The following PLAC1 variants were observed in gnomAD, a reference collection of about 807,000 sequenced individuals.
The protein encoded by PLAC1 is placenta-specific protein 1.
For synonymous variants in PLAC1, 68 were observed against 62.1 expected (o/e 1.09, Z -0.44); for missense variants, 136 against 163.2 (o/e 0.83, Z 0.91).
intron 2 of PLAC1, among the ~76,000 whole-genome samples, chrX:134,569,361 T>C (rs143006012): frequency 0.011 from 1,255 of 111,723 alleles, 16 homozygotes; most frequent in African/African-American, 0.037. Context: ...AATAATGTCA[T>C]TGAGTTTAGG....
chrX:134,756,717 C>T lies in PLAC1; in HGVS notation n.89+7517G>A, dbSNP rs943202492. Among the ~76,000 whole-genome samples the T allele has an allele frequency of 5.5e-5, 6 of 109,334 alleles. No individual in the cohort carries two copies. The South Asian group carries it at 1.2e-3, about 22-fold the overall frequency. 94.9% of individuals were successfully genotyped at this position (109,334 alleles called of 115,157 possible). A position where few individuals can be genotyped will look rare whatever the true frequency, so the allele number is the denominator to read the frequency against. ...ACAAAAAATTGGCCAGGCGTGGTGG[C>T]GGGTGCCTGTAGTCCCAGCTACTCA... On this transcript the variant is annotated intron_variant and non_coding_transcript_variant, in intron 1 of 2. Transcript: ENST00000466797.
chrX:134,651,202 C>A (rs991624297), intron 1 of PLAC1: 20 of 229,067 alleles, frequency 8.7e-5, no homozygotes, highest in African/African-American at 5.2e-4. Flanking sequence ...CTGATAGCTG[C>A]GTACCATGCG....
At chrX:134,611,506 T>C (rs375644895) in intron 1 of PLAC1, among the ~76,000 whole-genome samples, 3 of 50,059 alleles carry the variant, frequency 6.0e-5, no homozygotes, top group East Asian at 1.8e-3. Flanking sequence ...GATATATATA[T>C]ACACACACAC....
upstream of PLAC1, among the ~76,000 whole-genome samples, chrX:134,659,518 C>T (rs766695730): frequency 9.0e-6 from 1 of 110,898 alleles, no homozygotes; most frequent in African/African-American, 3.3e-5. Context: ...GTGGTAAGTG[C>T]TGGCCCATAA....
chrX:134,637,494 G>T (rs1048641802), intron 1 of PLAC1, among the ~76,000 whole-genome samples: 1 of 111,866 alleles, frequency 8.9e-6, no homozygotes, highest in Non-Finnish European at 1.9e-5. Flanking sequence ...TTGCCCATCA[G>T]CTTACTCAAG....
intron 1 of PLAC1, among the ~76,000 whole-genome samples, chrX:134,623,997 G>T: frequency 8.9e-6 from 1 of 111,942 alleles, no homozygotes; most frequent in African/African-American, 3.3e-5. Context: ...TCAGAGTTTG[G>T]GGAGAACTTG....
At chrX:134,611,564 T>C (rs2078153590) in intron 1 of PLAC1, among the ~76,000 whole-genome samples, 1 of 107,788 alleles carries the variant, frequency 9.3e-6, no homozygotes, top group Admixed American at 1.0e-4. Flanking sequence ...TGTATATATA[T>C]GCATATATAC....
chrX:134,724,956 C>G (rs1014531678), intron 2 of PLAC1, among the ~76,000 whole-genome samples: 3 of 109,502 alleles, frequency 2.7e-5, no homozygotes, highest in African/African-American at 1.0e-4. Context: ...GAGCTGTGAT[C>G]GTGCCACTGC....
At chrX:134,632,123 G>A (rs2078265271) in intron 1 of PLAC1, among the ~76,000 whole-genome samples, 1 of 111,734 alleles carries the variant, frequency 8.9e-6, no homozygotes, top group Admixed American at 9.4e-5. Context: ...ACAGCCAAAC[G>A]GTGGTTCATC....
chrX:134,629,145 G>A (rs2078249092), intron 1 of PLAC1, among the ~76,000 whole-genome samples: 2 of 111,677 alleles, frequency 1.8e-5, no homozygotes, highest in Admixed American at 9.5e-5. Context: ...GCTGAGCTCC[G>A]GTTAGATGTG....
intron 1 of PLAC1, among the ~76,000 whole-genome samples, chrX:134,746,648 T>C (rs761629680): frequency 1.8e-5 from 2 of 111,871 alleles, no homozygotes; most frequent in East Asian, 5.6e-4. Context: ...TTATAGATGA[T>C]ATATCACAGT....
At chrX:134,744,636 T>C (rs968575039) in intron 1 of PLAC1, among the ~76,000 whole-genome samples, 3 of 112,367 alleles carry the variant, frequency 2.7e-5, no homozygotes, top group African/African-American at 9.7e-5. Context: ...GTCCTGATTG[T>C]CACTAAAGGC....
At chrX:134,654,802 CT>C (rs935582172) in intron 1 of PLAC1, among the ~76,000 whole-genome samples, 7 of 112,523 alleles carry the variant, frequency 6.2e-5, no homozygotes, top group African/African-American at 1.9e-4. Context: ...GGGGCCAACT[CT>C]CACAATTAAA....
chrX:134,616,696 T>C (rs2078183896), intron 1 of PLAC1, among the ~76,000 whole-genome samples: 1 of 111,624 alleles, frequency 9.0e-6, no homozygotes, highest in Admixed American at 9.4e-5. Context: ...TCTTTTGTGG[T>C]TCCACACAAA....
intron 2 of PLAC1, among the ~76,000 whole-genome samples, chrX:134,708,373 C>G (rs1356962036): frequency 2.7e-5 from 3 of 110,868 alleles, no homozygotes; most frequent in Non-Finnish European, 5.7e-5. Flanking sequence ...CTCAAAAAGT[C>G]ACATACTGTA....
chrX:134,676,571 T>G (rs1236437571), intron 2 of PLAC1, among the ~76,000 whole-genome samples: 1 of 112,212 alleles, frequency 8.9e-6, no homozygotes, highest in Non-Finnish European at 1.9e-5. Flanking sequence ...GCAAAAACAT[T>G]TCTAGACAAC....
At chrX:134,702,393 C>T (rs1300554420) in intron 2 of PLAC1, among the ~76,000 whole-genome samples, 1 of 112,224 alleles carries the variant, frequency 8.9e-6, no homozygotes, top group Non-Finnish European at 1.9e-5. Context: ...GGTGCATATA[C>T]ACCATGGAAT....
chrX:134,756,891 A>G (rs189574736), intron 1 of PLAC1, among the ~76,000 whole-genome samples: 1 of 111,194 alleles, frequency 9.0e-6, no homozygotes, highest in African/African-American at 3.3e-5. Context: ...ACTTGGGTCT[A>G]TTTCTGGACT....
rs148820832 is a variant in PLAC1 at position 134,674,240 on chromosome X, T to A, written n.174+59195A>T. Among the ~76,000 whole-genome samples, 624 of 112,592 alleles carry A rather than the reference T, an allele frequency of 5.5e-3. 3 individuals are homozygous for A. Among genetic ancestry groups the A allele is most frequent in the Admixed American group, 9.7e-3 (104 of 10,693 alleles). ...CAGAAATTCTAGATTCAGGATGACA[T>A]GTTGAGGAAAAATATTCCAAGCACT... On this transcript the variant is annotated intron_variant and non_coding_transcript_variant, in intron 2 of 2. Coordinates refer to the PLAC1 transcript ENST00000466797.
Sources: gnomAD v4.1 joint callset for allele counts (sites outside exome capture counted in the v4.1 genomes callset) on GRCh38, gnomAD v4.1.1 for gene constraint, MANE v1.5 for transcripts, NCBI Gene and HGNC (gene_info 2026-07-23, HGNC 2026-07-21) for gene names.